Variants in ANAPC1 observed in about 807,000 individuals in gnomAD.
ANAPC1 encodes the protein anaphase-promoting complex subunit 1.
A neutral mutation model predicts 208.0 loss-of-function variants in ANAPC1; 36 were observed. The observed-to-expected ratio is 0.17, with a 90% CI of 0.13 to 0.23. ANAPC1 has a LOEUF of 0.23. Ranked by LOEUF, ANAPC1 falls within the 10% of genes least tolerant of loss-of-function variation. The pLI is 1.00. For missense variants in ANAPC1, 942 were observed against 2,011.6 expected, an observed-to-expected ratio of 0.47 and a Z score of 10.17; for synonymous variants, 378 against 695.2, an observed-to-expected ratio of 0.54 and a Z score of 7.18.
intron 13 of ANAPC1, chr2:111,856,329 CT>C (rs1681719296): frequency 4.0e-6 from 1 of 251,702 alleles, no homozygotes; most frequent in Non-Finnish European, 7.6e-6. Flanking sequence ...AATTTCAAAA[CT>C]TTAACTTTAA....
intron 42 of ANAPC1, among the ~76,000 whole-genome samples, chr2:111,783,695 T>C (rs1366469395): frequency 1.3e-5 from 2 of 152,278 alleles, no homozygotes; most frequent in African/African-American, 4.8e-5. Flanking sequence ...GGGTTGGAGT[T>C]TGAAATTAAA....
At chr2:111,827,103 G>GT (rs1351099590) in intron 21 of ANAPC1, among the ~76,000 whole-genome samples, 5 of 152,132 alleles carry the variant, frequency 3.3e-5, no homozygotes, top group Non-Finnish European at 7.4e-5. Context: ...ATGTATGAGA[G>GT]TTTCGATTGC....
chr2:111,837,154 G>C (rs1267460786), intron 18 of ANAPC1, among the ~76,000 whole-genome samples: 1 of 151,934 alleles, frequency 6.6e-6, no homozygotes, highest in Non-Finnish European at 1.5e-5. Context: ...ACAAACTACT[G>C]GTATCTGTAA....
intron 2 of ANAPC1, 188 bp downstream of exon 2, chr2:111,880,425 T>C: frequency 9.9e-7 from 1 of 1,010,440 alleles, no homozygotes; most frequent in Middle Eastern, 3.4e-4. Context: ...TTATAGAGGG[T>C]ATCTAAATAA....
At chr2:111,802,854 G>T (rs893054442) in intron 32 of ANAPC1, 8 of 212,818 alleles carry the variant, frequency 3.8e-5, no homozygotes, top group Non-Finnish European at 7.0e-5. Flanking sequence ...GAGAAATGTG[G>T]AACACTGAAA....
At chr2:111,842,528 G>A (rs1383722597) in intron 17 of ANAPC1, among the ~76,000 whole-genome samples, 1 of 151,766 alleles carries the variant, frequency 6.6e-6, no homozygotes, top group African/African-American at 2.4e-5. Flanking sequence ...CTGTAGTCCT[G>A]GCTACTCGGG....
Position 111,792,360 on chromosome 2 carries a change from AC to A in ANAPC1, c.4712+1del, listed in dbSNP as rs1677922228. On this transcript the variant is annotated splice_donor_variant, in intron 38 of 47. Transcript: ENST00000341068. LOFTEE classifies it high-confidence loss of function. ...TCATTGGAAAAATACATATTCACTT[AC>A]CTTCCTCCTCCCAAAAATAGAAGTC... 1 of 1,554,136 alleles carries A rather than the reference AC, an allele frequency of 6.4e-7. No individual in the cohort carries two copies. The highest frequency in any genetic ancestry group is 1.4e-5 in the African/African-American group (1 of 72,604).
At chr2:111,860,048 A>G (rs1681971702) in intron 10 of ANAPC1, among the ~76,000 whole-genome samples, 1 of 152,096 alleles carries the variant, frequency 6.6e-6, no homozygotes, top group Non-Finnish European at 1.5e-5. Flanking sequence ...CTGTAATCCC[A>G]TTACTTTGGG....
chr2:111,881,296 T>TA (rs1405113383), intron 1 of ANAPC1, among the ~76,000 whole-genome samples: 3 of 152,082 alleles, frequency 2.0e-5, no homozygotes, highest in African/African-American at 4.8e-5. Flanking sequence ...AATAAAACAA[T>TA]AAAAAACCAC....
intron 26 of ANAPC1, among the ~76,000 whole-genome samples, chr2:111,820,110 T>C (rs1421247168): frequency 6.6e-6 from 1 of 152,352 alleles, no homozygotes; most frequent in Admixed American, 6.5e-5. Context: ...GCACTGCCAA[T>C]TAAACTATGA....
At chr2:111,792,116 C>A (rs80125903) in intron 38 of ANAPC1, among the ~76,000 whole-genome samples, 41,176 of 150,530 alleles carry the variant, frequency 0.27, 6,082 homozygotes, top group African/African-American at 0.38. Context: ...ACTGAAGAAC[C>A]GAGCACAGAC....
chr2:111,855,114 T>G (rs1681628392), intron 13 of ANAPC1, among the ~76,000 whole-genome samples: 1 of 152,224 alleles, frequency 6.6e-6, no homozygotes, highest in Admixed American at 6.5e-5. Context: ...ATTTCAATAT[T>G]GTTTTGTCTC....
chr2:111,854,342 C>T (rs2104531780), intron 13 of ANAPC1, among the ~76,000 whole-genome samples: 1 of 152,266 alleles, frequency 6.6e-6, no homozygotes, highest in East Asian at 1.9e-4. Context: ...TTTGTTACTC[C>T]ATTTATAGAG....
intron 21 of ANAPC1, among the ~76,000 whole-genome samples, chr2:111,826,657 A>AT (rs1316742889): frequency 5.5e-4 from 49 of 88,684 alleles, no homozygotes; most frequent in South Asian, 2.1e-3. Context: ...TGCTTTATTT[A>AT]TTTATTTATT....
rs1405627167 is a variant in ANAPC1 at position 111,809,062 on chromosome 2, C to T, written c.3717G>A (p.Thr1239=). The T allele has an allele frequency of 1.2e-6, 2 of 1,611,732 alleles. No individual in the cohort carries two copies. Among genetic ancestry groups the T allele is most frequent in the East Asian group, 2.2e-5 (1 of 44,844 alleles). ...SIHIPALLPP[T]STELDVPHNV... ...TGTGAGGAACATCCAGCTCTGTGGA[C>T]GTTGGGGGTAAGAGAGCAGGAATGT... The change falls in exon 29 of 48, where the codon ACG becomes ACA. Residue 1239 remains threonine (T), a synonymous_variant. Coordinates refer to ENST00000341068, the MANE Select transcript of ANAPC1 (RefSeq NM_022662.4).
chr2:111,863,511 CAAAAAAAAAA>C (rs372062409), intron 9 of ANAPC1, among the ~76,000 whole-genome samples, 154 bp downstream of exon 9: 1 of 122,570 alleles, frequency 8.2e-6, no homozygotes. Flanking sequence ...GACTCCGTCT[CAAAAAAAAAA>C]AAAAAAAAAA....
rs1174622513 is a variant in ANAPC1 at position 111,852,188 on chromosome 2, T to TAAAATAAAA, written c.1516-1279_1516-1278insTTTTATTTT. On this transcript the variant is annotated intron_variant, in intron 13 of 47. Transcript: ENST00000341068. Reference sequence around the variant, plus strand: ...AAAAGAAAAAAAAACTGAATAAAATTTATAATGCAACTAACAGAAGATTCT... The same window carrying TAAAATAAAA: ...AAAAGAAAAAAAAACTGAATAAAATTAAAATAAAATATAATGCAACTAACAGAAGATTCT... Among the ~76,000 whole-genome samples the TAAAATAAAA allele has an allele frequency of 4.3e-4, 65 of 150,176 alleles. No homozygotes were observed. In the Middle Eastern group the frequency reaches 0.014, roughly 32 times the overall value.
chr2:111,875,813 C>T (rs1460039167), intron 3 of ANAPC1, among the ~76,000 whole-genome samples: 14 of 152,206 alleles, frequency 9.2e-5, no homozygotes, highest in Non-Finnish European at 1.8e-4. Flanking sequence ...TTTAAAAAGT[C>T]ATCTTTTTCC....
At chr2:111,789,061 C>T (rs576804328) in intron 38 of ANAPC1, among the ~76,000 whole-genome samples, 1 of 152,346 alleles carries the variant, frequency 6.6e-6, no homozygotes, top group East Asian at 1.9e-4. Context: ...TGGCGTGAAC[C>T]CGGGAGGCGG....
Sources: gnomAD v4.1 joint callset for allele counts (sites outside exome capture counted in the v4.1 genomes callset) on GRCh38, gnomAD v4.1.1 for gene constraint, MANE v1.5 for transcripts, NCBI Gene and HGNC (gene_info 2026-07-23, HGNC 2026-07-21) for gene names.